Variants in PREX2 observed in about 807,000 individuals in gnomAD.
The protein encoded by PREX2 is phosphatidylinositol 3,4,5-trisphosphate-dependent Rac exchanger 2 protein.
A neutral mutation model predicts 203.2 loss-of-function variants in PREX2; 107 were observed. That is an observed-to-expected ratio of 0.53 (90% confidence interval 0.45 to 0.62). The LOEUF (loss-of-function observed/expected upper bound fraction) is 0.62, where lower values mean the gene tolerates loss of function less well. Ranked by LOEUF, PREX2 falls within the 20% of genes least tolerant of loss-of-function variation. The pLI, the probability that PREX2 is intolerant of heterozygous loss-of-function variation, is 0.00. For missense variants in PREX2, 1,777 were observed against 1,955.9 expected, an observed-to-expected ratio of 0.91 and a Z score of 1.72; for synonymous variants, 672 against 663.6, an observed-to-expected ratio of 1.01 and a Z score of -0.19.
At chr8:68,027,622 T>C (rs1807766634) in intron 5 of PREX2, among the ~76,000 whole-genome samples, 1 of 152,124 alleles carries the variant, frequency 6.6e-6, no homozygotes, top group African/African-American at 2.4e-5. Context: ...ATGACTAGTT[T>C]ATATAGCATT....
At chr8:68,196,285 G>A (rs562704280) in intron 37 of PREX2, among the ~76,000 whole-genome samples, 85 of 149,686 alleles carry the variant, frequency 5.7e-4, no homozygotes, top group African/African-American at 1.9e-3. Context: ...CTTTTTAATC[G>A]TATAAATACG....
At chr8:68,127,542 T>TC in intron 31 of PREX2, 123 bp downstream of exon 31, 1 of 601,798 alleles carries the variant, frequency 1.7e-6, no homozygotes, top group East Asian at 2.9e-5. Flanking sequence ...ATCCCTACCT[T>TC]CTCCAAAGCT....
chr8:68,226,854 A>C (rs954758792), intron 39 of PREX2, among the ~76,000 whole-genome samples: 1 of 152,224 alleles, frequency 6.6e-6, no homozygotes, highest in African/African-American at 2.4e-5. Context: ...CAGAGAGAAG[A>C]GGTCACAGAA....
chr8:68,127,722 T>A (rs1456698606), intron 31 of PREX2, among the ~76,000 whole-genome samples: 2 of 151,814 alleles, frequency 1.3e-5, no homozygotes, highest in African/African-American at 4.8e-5. Flanking sequence ...AGGGAGTAGG[T>A]TTTGCTAAAG....
At chr8:68,111,074 G>T (rs1209995150) in intron 25 of PREX2, 1 of 260,954 alleles carries the variant, frequency 3.8e-6, no homozygotes, top group Non-Finnish European at 7.6e-6. Context: ...TAATAAATGA[G>T]ATTTTATTGC....
At chr8:68,000,861 A>G (rs1305478102) in intron 1 of PREX2, among the ~76,000 whole-genome samples, 1 of 152,228 alleles carries the variant, frequency 6.6e-6, no homozygotes, top group Non-Finnish European at 1.5e-5. Flanking sequence ...AAAACTCCCT[A>G]TTCAATAAAT....
intron 35 of PREX2, among the ~76,000 whole-genome samples, chr8:68,158,053 G>A (rs923427007): frequency 3.2e-5 from 4 of 124,698 alleles, no homozygotes; most frequent in Non-Finnish European, 5.3e-5. Flanking sequence ...ATTAGTGTAT[G>A]TGTGTGTGAA....
chr8:68,152,027 C>T (rs1398295434), intron 34 of PREX2, among the ~76,000 whole-genome samples: 2 of 151,700 alleles, frequency 1.3e-5, no homozygotes, highest in East Asian at 1.9e-4. Flanking sequence ...TGGTGGCTCA[C>T]GCCTGTAATC....
chr8:68,138,549 G>T, intron 33 of PREX2, 32 bp downstream of exon 33: 1 of 1,067,704 alleles, frequency 9.4e-7, no homozygotes, highest in Non-Finnish European at 1.4e-6. Flanking sequence ...AAATTTATTT[G>T]GCATCAAATA....
intron 11 of PREX2, 36 bp from the exon 12 acceptor site, chr8:68,068,997 T>C (rs1440467891): frequency 2.4e-6 from 2 of 829,048 alleles, no homozygotes; most frequent in South Asian, 1.9e-5. Context: ...CCTTTTAGAG[T>C]ATCGTTATTT....
intron 35 of PREX2, among the ~76,000 whole-genome samples, chr8:68,159,440 T>C (rs1020787273): frequency 6.6e-6 from 1 of 152,202 alleles, no homozygotes; most frequent in Non-Finnish European, 1.5e-5. Flanking sequence ...ACAGTAGCTT[T>C]AGATTCAGCT....
At chr8:68,052,974 G>A (rs1040054446) in intron 8 of PREX2, 123 bp from the exon 9 acceptor site, 3 of 792,730 alleles carry the variant, frequency 3.8e-6, no homozygotes, top group Non-Finnish European at 6.0e-6. Flanking sequence ...ATATACATAT[G>A]TAAAGCAAAG....
At chr8:67,995,694 T>C (rs757222822) in intron 1 of PREX2, among the ~76,000 whole-genome samples, 57 of 152,220 alleles carry the variant, frequency 3.7e-4, no homozygotes, top group Admixed American at 2.4e-3. Flanking sequence ...TGTTTATAGC[T>C]CCTAATGAGA....
intron 1 of PREX2, among the ~76,000 whole-genome samples, chr8:68,002,088 T>TAA (rs35621636): frequency 4.9e-4 from 72 of 146,650 alleles, no homozygotes; most frequent in African/African-American, 1.3e-3. Context: ...AAAATAAACT[T>TAA]AAAAAAAAAA....
intron 30 of PREX2, among the ~76,000 whole-genome samples, chr8:68,126,640 C>CT (rs957666154): frequency 1.3e-5 from 2 of 151,842 alleles, no homozygotes; most frequent in African/African-American, 4.8e-5. Context: ...ATAACTTAAT[C>CT]TTTTTTTTCC....
intron 35 of PREX2, among the ~76,000 whole-genome samples, chr8:68,188,563 A>AG: frequency 6.6e-6 from 1 of 152,234 alleles, no homozygotes; most frequent in Non-Finnish European, 1.5e-5. Flanking sequence ...TAATTTATAA[A>AG]GGAAAAAGGT....
At chr8:68,070,817 C>T (rs1192403184) in intron 13 of PREX2, among the ~76,000 whole-genome samples, 2 of 152,074 alleles carry the variant, frequency 1.3e-5, no homozygotes, top group Non-Finnish European at 2.9e-5. Flanking sequence ...CCCACTTATA[C>T]TGCAAAGAGA....
Position 68,164,585 on chromosome 8 carries a change from C to CT in PREX2, c.4346+7163dup, listed in dbSNP as rs755033458. Among the ~76,000 whole-genome samples, 279 of 135,218 alleles carry CT rather than the reference C, an allele frequency of 2.1e-3. 6 individuals carry two copies. Among genetic ancestry groups the CT allele is most frequent in the East Asian group, 5.2e-3 (24 of 4,588 alleles). 88.7% of individuals were successfully genotyped at this position (135,218 alleles called of 152,430 possible). ...TTTTTTCTTTCTTTTTTTCTTTTTTCTTTTTTTTTTTTTTGAGACAGAGTT... is the reference window on the plus strand; with the variant it reads ...TTTTTTCTTTCTTTTTTTCTTTTTTCTTTTTTTTTTTTTTTGAGACAGAGTT... On this transcript the variant is annotated intron_variant, in intron 35 of 39. Transcript: ENST00000288368.
intron 3 of PREX2, among the ~76,000 whole-genome samples, chr8:68,021,815 A>G (rs1370127200): frequency 6.6e-6 from 1 of 152,152 alleles, no homozygotes; most frequent in Non-Finnish European, 1.5e-5. Flanking sequence ...GTCTACTTGA[A>G]TTCATCACAA....
Sources: gnomAD v4.1 joint callset for allele counts (sites outside exome capture counted in the v4.1 genomes callset) on GRCh38, gnomAD v4.1.1 for gene constraint, MANE v1.5 for transcripts, NCBI Gene and HGNC (gene_info 2026-07-23, HGNC 2026-07-21) for gene names.